CFAP47: variants seen among roughly 807,000 people sequenced by gnomAD.
The protein encoded by CFAP47 is cilia- and flagella-associated protein 47.
In CFAP47, 29 loss-of-function variants were observed where a neutral mutation model predicts 148.1. The ratio of observed to expected loss-of-function variants is 0.20; its 90% confidence interval spans 0.15 to 0.27. The LOEUF is 0.27. Among genes scored for constraint, CFAP47 ranks in the 10% least tolerant of loss-of-function variants. The pLI, the probability that CFAP47 is intolerant of heterozygous loss-of-function variation, is 1.00. For missense variants in CFAP47, 1,872 were observed against 1,697.5 expected (o/e 1.10, Z -1.81); for synonymous variants, 664 against 577.3 (o/e 1.15, Z -2.15).
intron 62 of CFAP47, among the ~76,000 whole-genome samples, chrX:36,377,171 T>C (rs1156939308): frequency 3.6e-5 from 4 of 111,843 alleles, no homozygotes; most frequent in Non-Finnish European, 7.5e-5. Flanking sequence ...ATGGCATTTC[T>C]AGTTCTAGAT....
chrX:36,250,898 G>A (rs1555998092), intron 48 of CFAP47, among the ~76,000 whole-genome samples: 2 of 110,771 alleles, frequency 1.8e-5, no homozygotes, highest in Admixed American at 1.9e-4. Flanking sequence ...TTTAGCCAGG[G>A]TGTGGTCAAA....
rs782225363 is a variant in CFAP47, at chrX:36,280,643, T to G, written c.7588+13T>G. The G allele has an allele frequency of 1.3e-4, 61 of 463,334 alleles. No homozygotes were observed. The highest frequency in any genetic ancestry group is 1.3e-3 in the African/African-American group (54 of 41,937). The allele number at this position is 463,334 out of a possible 1,213,427, so 38.2% of individuals were successfully genotyped here. On this transcript the variant is annotated intron_variant, in intron 50 of 63. Coordinates refer to ENST00000378653, the MANE Select transcript of CFAP47 (RefSeq NM_001304548.2). ...GATGCAGACACATGTAAGTTTATTA[T>G]GACAGAGTTTCACTATTAGTTTGCA...
At chrX:36,026,954 A>C (rs1417203916) in intron 22 of CFAP47, among the ~76,000 whole-genome samples, 1 of 108,713 alleles carries the variant, frequency 9.2e-6, no homozygotes, top group Non-Finnish European at 1.9e-5. Flanking sequence ...TCTTGTATTT[A>C]GAAATCTGTT....
chrX:36,179,632 G>C (rs1311103218), intron 40 of CFAP47, among the ~76,000 whole-genome samples: 2 of 111,458 alleles, frequency 1.8e-5, no homozygotes, highest in Non-Finnish European at 3.8e-5. Context: ...ATTAAATATA[G>C]TAGATTTTCA....
At chrX:36,258,840 A>G (rs1037224863) in intron 49 of CFAP47, among the ~76,000 whole-genome samples, 9 of 111,678 alleles carry the variant, frequency 8.1e-5, no homozygotes, top group South Asian at 3.7e-4. Context: ...TGTGTCATCA[A>G]TGGGTGATAG....
rs921049079 is a variant in CFAP47, at chrX:36,175,366, A to T, written c.6027-3979A>T. On this transcript the variant is annotated intron_variant, in intron 39 of 63. Transcript: ENST00000378653. Reference sequence around the variant, plus strand: ...AGGAACTGCGTTCCTTTGGAGGAGGAGAGGCGCTCTGCTTTTTAGAGTTTC... The same window carrying T: ...AGGAACTGCGTTCCTTTGGAGGAGGTGAGGCGCTCTGCTTTTTAGAGTTTC... 4.2e-4 allele frequency among the ~76,000 whole-genome samples: 47 copies of T among 111,728 alleles called. No individual in the cohort carries two copies. In the East Asian group the frequency reaches 0.01, roughly 24 times the overall value.
Position 35,970,899 on chromosome X carries a change from G to A in CFAP47, c.1946G>A (p.Arg649His), listed in dbSNP as rs780568572. ...AMYLKYLRSV[R>H]LQKKQAERER... ...TATCTTAAATATTTAAGAAGTGTGC[G>A]CTTGCAGAAGAAACAAGCAGAGAGG... The change falls in exon 11 of 64, where the codon CGC (arginine) becomes CAC (histidine). Residue 649 changes from arginine (R) to histidine (H), a missense_variant. Transcript: ENST00000378653. The A allele has an allele frequency of 7.0e-5, 83 of 1,188,342 alleles. No homozygotes were observed. The highest frequency in any genetic ancestry group is 2.3e-4 in the Middle Eastern group (1 of 4,308).
intron 2 of CFAP47, among the ~76,000 whole-genome samples, chrX:35,928,423 T>G (rs898228873): frequency 2.7e-5 from 3 of 111,981 alleles, no homozygotes; most frequent in Non-Finnish European, 5.6e-5. Context: ...TGACAACATA[T>G]TTTCAGGTGC....
intron 49 of CFAP47, among the ~76,000 whole-genome samples, chrX:36,273,789 A>G (rs1483737297): frequency 1.8e-5 from 2 of 111,647 alleles, no homozygotes; most frequent in African/African-American, 6.5e-5. Flanking sequence ...GTATAATATT[A>G]TTCATTATAA....
At chrX:36,267,162 C>T (rs1301111130) in intron 49 of CFAP47, among the ~76,000 whole-genome samples, 8 of 111,658 alleles carry the variant, frequency 7.2e-5, no homozygotes, top group African/African-American at 2.0e-4. Flanking sequence ...TTTTCTTTCT[C>T]CTCACTGTTC....
chrX:36,300,633 G>A (rs191056509), intron 52 of CFAP47, among the ~76,000 whole-genome samples: 32 of 111,951 alleles, frequency 2.9e-4, no homozygotes, highest in Middle Eastern at 4.6e-3. Context: ...GCTTCCCTGG[G>A]AGTTGAGGAT....
chrX:36,366,440 G>C (rs1010857240), intron 61 of CFAP47, among the ~76,000 whole-genome samples: 1 of 111,784 alleles, frequency 8.9e-6, no homozygotes, highest in Admixed American at 9.5e-5. Context: ...TTTACCAATT[G>C]CAATTTCATT....
Position 35,970,804 on chromosome X carries a change from G to C in CFAP47, c.1851G>C (p.Val617=), listed in dbSNP as rs752399188. The C allele has an allele frequency of 8.5e-7, 1 of 1,181,197 alleles. No individual in the cohort carries two copies. The highest frequency in any genetic ancestry group is 1.8e-5 in the African/African-American group (1 of 55,886). ...IFTKVPRFNY[V]NHDFAYTTFE... Reference sequence around the variant, plus strand: ...CAAAAGTTCCAAGATTTAACTATGTGAATCATGATTTTGCATATACTACAT... The same window carrying C: ...CAAAAGTTCCAAGATTTAACTATGTCAATCATGATTTTGCATATACTACAT... Residue 617 remains valine, a synonymous_variant, in exon 11 of 64, where the codon GTG becomes GTC. Transcript: ENST00000378653.
intron 50 of CFAP47, among the ~76,000 whole-genome samples, chrX:36,283,351 G>A (rs1941099771): frequency 9.0e-6 from 1 of 111,376 alleles, no homozygotes; most frequent in Admixed American, 9.6e-5. Context: ...AATACTCAAT[G>A]TACATGTCTA....
chrX:36,099,480 C>T (rs1938335764), intron 31 of CFAP47, among the ~76,000 whole-genome samples: 1 of 106,272 alleles, frequency 9.4e-6, no homozygotes, highest in Non-Finnish European at 1.9e-5. Flanking sequence ...TCTTTCTTGG[C>T]TCAGCAATCA....
At chrX:36,111,565 T>C (rs757294219) in intron 33 of CFAP47, among the ~76,000 whole-genome samples, 59 of 111,775 alleles carry the variant, frequency 5.3e-4, no homozygotes, top group Non-Finnish European at 1.0e-3. Flanking sequence ...GAAGATTTCA[T>C]TTTTTTGTTG....
intron 4 of CFAP47, 85 bp downstream of exon 4, chrX:35,948,537 T>C (rs2040057346): frequency 6.7e-6 from 5 of 749,127 alleles, no homozygotes; most frequent in Non-Finnish European, 9.8e-6. Context: ...TTTGATTGTA[T>C]GTTAGCTCCT....
At chrX:35,924,244 T>C (rs894717447) in intron 1 of CFAP47, among the ~76,000 whole-genome samples, 6 of 90,941 alleles carry the variant, frequency 6.6e-5, no homozygotes, top group Non-Finnish European at 1.0e-4. Context: ...GACATGTATG[T>C]GTGCATATGG....
intron 45 of CFAP47, among the ~76,000 whole-genome samples, chrX:36,218,225 A>G (rs1372800105): frequency 1.8e-5 from 2 of 112,720 alleles, no homozygotes; most frequent in Non-Finnish European, 3.8e-5. Context: ...GCTGTCAGCA[A>G]TCCCTTGCTT....
Sources: gnomAD v4.1 joint callset for allele counts (sites outside exome capture counted in the v4.1 genomes callset) on GRCh38, gnomAD v4.1.1 for gene constraint, MANE v1.5 for transcripts, NCBI Gene and HGNC (gene_info 2026-07-23, HGNC 2026-07-21) for gene names.